Variants in CAB39L observed in about 807,000 individuals in gnomAD.
The protein encoded by CAB39L is calcium binding protein 39 like.
Under a neutral mutation model 39.1 loss-of-function variants are expected in CAB39L, and 23 were observed. The observed-to-expected ratio is 0.59, with a 90% CI of 0.42 to 0.83. The LOEUF (loss-of-function observed/expected upper bound fraction) is 0.83. Ranked by LOEUF, CAB39L falls within the 40% of genes least tolerant of loss-of-function variation. The pLI, the probability that CAB39L is intolerant of heterozygous loss-of-function variation, is 0.00. For missense variants in CAB39L, 366 were observed against 391.9 expected, an observed-to-expected ratio of 0.93 and a Z score of 0.56; for synonymous variants, 126 against 137.2, an observed-to-expected ratio of 0.92 and a Z score of 0.57.
chr13:49,419,192 T>C (rs527248346), intron 3 of CAB39L, among the ~76,000 whole-genome samples: 14 of 152,182 alleles, frequency 9.2e-5, no homozygotes, highest in Non-Finnish European at 1.8e-4. Flanking sequence ...GGTCTCGAAC[T>C]CCTGACCTCA....
chr13:49,331,883 T>C, intron 10 of CAB39L, 64 bp downstream of exon 10: 3 of 1,477,320 alleles, frequency 2.0e-6, no homozygotes, highest in Non-Finnish European at 2.8e-6. Context: ...GAGCAGGGAG[T>C]TTGCCATTTG....
At chr13:49,357,320 A>T (rs1038039119) in intron 6 of CAB39L, among the ~76,000 whole-genome samples, 3 of 152,180 alleles carry the variant, frequency 2.0e-5, no homozygotes, top group Non-Finnish European at 4.4e-5. Context: ...ATGGTAAAAA[A>T]ATAATATGTA....
intron 3 of CAB39L, among the ~76,000 whole-genome samples, chr13:49,390,811 A>C (rs1022560443): frequency 6.6e-6 from 1 of 152,178 alleles, no homozygotes; most frequent in African/African-American, 2.4e-5. Context: ...ATGAAGAGTA[A>C]AATACAAAGA....
intron 5 of CAB39L, among the ~76,000 whole-genome samples, chr13:49,363,874 G>C (rs999937601): frequency 4.3e-5 from 6 of 140,732 alleles, no homozygotes; most frequent in African/African-American, 1.5e-4. Flanking sequence ...TGGCTGAATG[G>C]ATGAAAAAAA....
chr13:49,351,783 A>G (rs1475398024), intron 6 of CAB39L, among the ~76,000 whole-genome samples: 2 of 152,172 alleles, frequency 1.3e-5, no homozygotes, highest in Non-Finnish European at 2.9e-5. Flanking sequence ...AGGAAGAGTC[A>G]ACAAGACTTG....
rs192831175 is a variant in CAB39L at position 49,368,397 on chromosome 13, T to C, written c.277-8565A>G. 2.2e-4 allele frequency among the ~76,000 whole-genome samples: 33 copies of C among 152,368 alleles called. No homozygotes were observed. In the East Asian group the frequency reaches 5.2e-3, roughly 24 times the overall value. On this transcript the variant is annotated intron_variant, in intron 5 of 10. Coordinates refer to ENST00000409308, the MANE Select transcript of CAB39L (RefSeq NM_001079670.3). ...GAAACAGGTACAAGCTGGTGAATAA[T>C]GATCTCTACATTACACGTTAATCTT...
At chr13:49,318,265 C>T (rs995292377) in intron 10 of CAB39L, among the ~76,000 whole-genome samples, 65 of 151,308 alleles carry the variant, frequency 4.3e-4, no homozygotes, top group African/African-American at 1.6e-3. Context: ...AGTTCAAGTT[C>T]AAGACCAGCC....
chr13:49,383,228 G>A (rs1173102322), intron 3 of CAB39L, among the ~76,000 whole-genome samples: 3 of 151,908 alleles, frequency 2.0e-5, no homozygotes, highest in Non-Finnish European at 2.9e-5. Flanking sequence ...AAGTTGATAT[G>A]TAAAACTAGA....
At chr13:49,397,157 A>T (rs888384420) in intron 3 of CAB39L, among the ~76,000 whole-genome samples, 92 of 152,218 alleles carry the variant, frequency 6.0e-4, no homozygotes, top group Admixed American at 1.8e-3. Flanking sequence ...TTTCCATTTT[A>T]AAATATGCAT....
At chr13:49,389,973 C>T (rs1001185541) in intron 3 of CAB39L, among the ~76,000 whole-genome samples, 5 of 152,248 alleles carry the variant, frequency 3.3e-5, no homozygotes, top group Non-Finnish European at 7.4e-5. Flanking sequence ...CAGGCATGTG[C>T]CACCATGTCC....
chr13:49,341,525 T>C (rs1955005833), intron 8 of CAB39L, among the ~76,000 whole-genome samples: 1 of 152,184 alleles, frequency 6.6e-6, no homozygotes, highest in South Asian at 2.1e-4. Context: ...CATTTTGGGA[T>C]GCCTCTAGCA....
At chr13:49,350,935 A>T in intron 6 of CAB39L, 23 bp from the exon 7 acceptor site, 1 of 1,540,204 alleles carries the variant, frequency 6.5e-7, no homozygotes, top group Non-Finnish European at 8.8e-7. Flanking sequence ...CAAGAGAGAA[A>T]TAGAGAACTC....
At chr13:49,396,368 C>T (rs1310273610) in intron 3 of CAB39L, among the ~76,000 whole-genome samples, 2 of 151,996 alleles carry the variant, frequency 1.3e-5, no homozygotes, top group African/African-American at 4.8e-5. Flanking sequence ...GGCACAGGCA[C>T]CTTCTGTTAA....
chr13:49,321,227 G>A (rs551625559), intron 10 of CAB39L, among the ~76,000 whole-genome samples: 72 of 152,254 alleles, frequency 4.7e-4, no homozygotes, highest in Non-Finnish European at 8.5e-4. Flanking sequence ...TCTTGTGCAC[G>A]TCACTATTTG....
rs571358817 is a variant in CAB39L, at chr13:49,392,467, T to A, written c.-31-9526A>T. 2.6e-5 allele frequency among the ~76,000 whole-genome samples: 4 copies of A among 151,884 alleles called. No individual in the cohort carries two copies. In the South Asian group the frequency reaches 8.4e-4, roughly 32 times the overall value. ...GCCTGGCCAACATGGTGAAACCCCA[T>A]CTCTACTAAAAATACAAAAAAAAAT... On this transcript the variant is annotated intron_variant, in intron 3 of 10. Coordinates refer to ENST00000409308, the MANE Select transcript of CAB39L (RefSeq NM_001079670.3).
intron 5 of CAB39L, among the ~76,000 whole-genome samples, chr13:49,371,660 A>T (rs1955922062): frequency 6.6e-6 from 1 of 151,814 alleles, no homozygotes; most frequent in African/African-American, 2.4e-5. Flanking sequence ...GCAGTAGCAC[A>T]ATCTTGGCTC....
rs74367470 is a variant in CAB39L, at chr13:49,405,153, G to A, written c.-31-22212C>T. ...TAATACTCAAACAATGAAAGGTCAA[G>A]GATAAAGAAAGATCCTAAAAGCAGC... On this transcript the variant is annotated intron_variant, in intron 3 of 10. Coordinates refer to ENST00000409308, the MANE Select transcript of CAB39L (RefSeq NM_001079670.3). Among the ~76,000 whole-genome samples, 535 of 151,744 alleles carry A rather than the reference G, an allele frequency of 3.5e-3. 5 individuals are homozygous for A. The highest frequency in any genetic ancestry group is 0.012 in the African/African-American group (509 of 41,368).
intron 3 of CAB39L, among the ~76,000 whole-genome samples, chr13:49,423,816 A>C (rs529972509): frequency 1.3e-5 from 2 of 152,340 alleles, no homozygotes; most frequent in East Asian, 1.9e-4. Context: ...ATCATCTATA[A>C]GGTGAAACAG....
chr13:49,341,207 T>C (rs1259967628), intron 8 of CAB39L, among the ~76,000 whole-genome samples: 1 of 152,160 alleles, frequency 6.6e-6, no homozygotes, highest in South Asian at 2.1e-4. Context: ...CCAAACTATA[T>C]ATTAACAGTT....
Sources: gnomAD v4.1 joint callset for allele counts (sites outside exome capture counted in the v4.1 genomes callset) on GRCh38, gnomAD v4.1.1 for gene constraint, MANE v1.5 for transcripts, NCBI Gene and HGNC (gene_info 2026-07-23, HGNC 2026-07-21) for gene names.